The following LRRC20 variants were observed in gnomAD, a reference collection of about 807,000 sequenced individuals.
LRRC20 encodes the protein leucine rich repeat containing 20, also known as leucine-rich repeat-containing protein 20.
Under a neutral mutation model 14.4 loss-of-function variants are expected in LRRC20, and 11 were observed. The observed-to-expected ratio is 0.77, with a 90% confidence interval of 0.48 to 1.27. The LOEUF (loss-of-function observed/expected upper bound fraction) is 1.27, where lower values mean the gene tolerates loss of function less well. Among genes scored for constraint, LRRC20 ranks in the 50% most tolerant of loss-of-function variants. The pLI, the probability that LRRC20 is intolerant of heterozygous loss-of-function variation, is 0.00. For synonymous variants in LRRC20, 121 were observed against 107.3 expected (o/e 1.13, Z -0.79); for missense variants, 219 against 251.2 (o/e 0.87, Z 0.87).
At chr10:70,329,639 G>A (rs1472334017) in intron 3 of LRRC20, among the ~76,000 whole-genome samples, 2 of 147,432 alleles carry the variant, frequency 1.4e-5, no homozygotes, top group East Asian at 4.0e-4. Context: ...TCGGCTCACT[G>A]CAACTTCTGC....
intron 1 of LRRC20, among the ~76,000 whole-genome samples, chr10:70,376,935 G>A (rs751464244): frequency 1.3e-5 from 2 of 152,200 alleles, no homozygotes; most frequent in Non-Finnish European, 2.9e-5. Context: ...CTATAGGCAG[G>A]GCATTGGGAA....
intron 2 of LRRC20, among the ~76,000 whole-genome samples, chr10:70,363,840 A>C (rs7916055): frequency 0.98 from 149,366 of 152,142 alleles, 73,379 homozygotes; most frequent in East Asian, 1. Context: ...CTCCAAGTCA[A>C]CCCCCAACAC....
chr10:70,366,713 T>C (rs1844013813), intron 2 of LRRC20, among the ~76,000 whole-genome samples: 1 of 152,190 alleles, frequency 6.6e-6, no homozygotes, highest in African/African-American at 2.4e-5. Flanking sequence ...TCTCTATACC[T>C]GTGGGTTTTG....
At chr10:70,323,144 G>T (rs1412729149) in intron 4 of LRRC20, among the ~76,000 whole-genome samples, 1 of 152,110 alleles carries the variant, frequency 6.6e-6, no homozygotes, top group African/African-American at 2.4e-5. Flanking sequence ...CTGAAGGAGG[G>T]TGCTGCGGAG....
In LRRC20 at chr10:70,376,477, C is replaced by T. The variant is rs1844512018; in HGVS notation, c.57G>A (p.Thr19=). The T allele has an allele frequency of 4.3e-6, 7 of 1,614,114 alleles. No homozygotes were observed. In the South Asian group the frequency reaches 6.6e-5, roughly 15 times the overall value. Residue 19 remains threonine, a synonymous_variant, in exon 2 of 5, where the codon ACG becomes ACA. Coordinates refer to ENST00000446961, the MANE Select transcript of LRRC20 (RefSeq NM_001278212.2). The part of the protein sequence containing the change: ...VARVARKVNE[T]VESGSDTLDL... ...CCAGAGTGTCAGAGCCGCTCTCCAC[C>T]GTCTCGTTGACCTTCCTTGCTACTC...
intron 4 of LRRC20, among the ~76,000 whole-genome samples, chr10:70,315,365 A>G (rs969208989): frequency 1.3e-5 from 2 of 152,214 alleles, no homozygotes; most frequent in Non-Finnish European, 2.9e-5. Context: ...GTTGACAAGA[A>G]TTGCATGCCA....
chr10:70,374,423 T>C (rs373734334), intron 2 of LRRC20, among the ~76,000 whole-genome samples: 2 of 150,422 alleles, frequency 1.3e-5, no homozygotes, highest in South Asian at 2.1e-4. Context: ...AGATCTTGAC[T>C]CACTGCAACC....
chr10:70,342,475 T>C (rs969888707), intron 2 of LRRC20, among the ~76,000 whole-genome samples: 2 of 152,172 alleles, frequency 1.3e-5, no homozygotes, highest in African/African-American at 4.8e-5. Context: ...TTATTATATA[T>C]GTGAACAGCA....
At chr10:70,350,814 T>C (rs995457109) in intron 2 of LRRC20, among the ~76,000 whole-genome samples, 3 of 152,210 alleles carry the variant, frequency 2.0e-5, no homozygotes, top group African/African-American at 7.2e-5. Flanking sequence ...CCACTCCCAC[T>C]GAGAAGCTTT....
intron 2 of LRRC20, among the ~76,000 whole-genome samples, chr10:70,370,581 CA>C (rs1243964536): frequency 6.6e-6 from 1 of 151,952 alleles, no homozygotes; most frequent in East Asian, 1.9e-4. Flanking sequence ...ACTAAAAGTA[CA>C]AAAATTAAAA....
intron 4 of LRRC20, among the ~76,000 whole-genome samples, chr10:70,311,916 G>A (rs919689160): frequency 6.6e-6 from 1 of 152,206 alleles, no homozygotes; most frequent in Non-Finnish European, 1.5e-5. Flanking sequence ...TTACTTCCCT[G>A]AGGTCAGCTT....
intron 4 of LRRC20, among the ~76,000 whole-genome samples, chr10:70,302,799 C>A (rs1841260728): frequency 6.6e-6 from 1 of 151,804 alleles, no homozygotes; most frequent in Non-Finnish European, 1.5e-5. Flanking sequence ...CAAGCTCCGC[C>A]TCCCAGGTTC....
chr10:70,328,304 G>A (rs1056227921), intron 3 of LRRC20, among the ~76,000 whole-genome samples: 21 of 145,504 alleles, frequency 1.4e-4, no homozygotes, highest in Non-Finnish European at 2.7e-4. Flanking sequence ...GTTTTTTGGC[G>A]TTTTTTTTTT....
intron 3 of LRRC20, among the ~76,000 whole-genome samples, chr10:70,329,205 A>T (rs761775178): frequency 3.3e-5 from 5 of 152,214 alleles, no homozygotes; most frequent in Non-Finnish European, 7.3e-5. Flanking sequence ...GCTTACAGAC[A>T]AGTGCAGGGA....
At chr10:70,337,387 A>T (rs1842753919) in intron 3 of LRRC20, among the ~76,000 whole-genome samples, 1 of 152,066 alleles carries the variant, frequency 6.6e-6, no homozygotes, top group Admixed American at 6.5e-5. Context: ...GCATCCCTCA[A>T]TCCGCTGCCT....
intron 3 of LRRC20, among the ~76,000 whole-genome samples, chr10:70,324,917 T>A (rs1250174826): frequency 3.3e-5 from 5 of 152,112 alleles, no homozygotes; most frequent in Non-Finnish European, 5.9e-5. Flanking sequence ...TCGTCTCACC[T>A]GTAGCAAGGA....
chr10:70,371,934 G>C (rs201176236), intron 2 of LRRC20, among the ~76,000 whole-genome samples: 1 of 152,174 alleles, frequency 6.6e-6, no homozygotes, highest in African/African-American at 2.4e-5. Context: ...AGGAGCACTG[G>C]GGGAGCATGT....
At position 70,351,765 on chromosome 10, in the gene LRRC20, T is replaced by A. The variant is rs1843320819; in HGVS notation, c.83-11063A>T. The stretch of plus-strand genomic sequence containing the variant: ...CTATAGGCATGAGGAATGGGAGGGA[T>A]GTCTAACACGTCCAGTGTGAGTTGT... On this transcript the variant is annotated intron_variant, in intron 2 of 4. Coordinates refer to ENST00000446961, the MANE Select transcript of LRRC20 (RefSeq NM_001278212.2). Among the ~76,000 whole-genome samples the A allele has an allele frequency of 2.0e-5, 3 of 152,178 alleles. No homozygotes were observed. In the South Asian group the frequency reaches 6.2e-4, roughly 32 times the overall value.
At chr10:70,345,374 T>C (rs1181227390) in intron 2 of LRRC20, among the ~76,000 whole-genome samples, 2 of 151,634 alleles carry the variant, frequency 1.3e-5, no homozygotes, top group East Asian at 3.9e-4. Flanking sequence ...AAAAGTAAAC[T>C]TAATTGAACA....
Sources: gnomAD v4.1 joint callset for allele counts (sites outside exome capture counted in the v4.1 genomes callset) on GRCh38, gnomAD v4.1.1 for gene constraint, MANE v1.5 for transcripts, NCBI Gene and HGNC (gene_info 2026-07-23, HGNC 2026-07-21) for gene names.